Variants in FBXO3 observed in about 807,000 individuals in gnomAD.
The protein encoded by FBXO3 is F-box protein 3, also known as F-box only protein 3.
Under a neutral mutation model 64.8 loss-of-function variants are expected in FBXO3, and 17 were observed. That is an observed-to-expected ratio of 0.26 (90% CI 0.18 to 0.39). The LOEUF is 0.39. Ranked by LOEUF, FBXO3 falls within the 10% of genes least tolerant of loss-of-function variation. FBXO3 has a pLI of 1.00. For synonymous variants in FBXO3, 182 were observed against 201.6 expected (o/e 0.90, Z 0.82); for missense variants, 420 against 589.9 (o/e 0.71, Z 2.98).
intron 3 of FBXO3, among the ~76,000 whole-genome samples, chr11:33,764,608 C>T (rs534994422): frequency 2.6e-4 from 40 of 152,136 alleles, no homozygotes; most frequent in African/African-American, 7.0e-4. Context: ...AATATCAAGA[C>T]GAAGCTGATT....
intron 1 of FBXO3, chr11:33,774,083 G>A: frequency 3.3e-6 from 1 of 300,696 alleles, no homozygotes; most frequent in Non-Finnish European, 6.3e-6. Context: ...GGGGGTCCGC[G>A]GAGCGCGGCG....
chr11:33,772,669 A>G (rs1855537578), intron 1 of FBXO3: 1 of 152,210 alleles, frequency 6.6e-6, no homozygotes, highest in African/African-American at 2.4e-5. Context: ...AGAGCAATCT[A>G]TTTCCTTCAC....
intron 2 of FBXO3, among the ~76,000 whole-genome samples, chr11:33,769,246 AT>A (rs1208392924): frequency 2.0e-5 from 3 of 151,902 alleles, no homozygotes; most frequent in African/African-American, 4.8e-5. Flanking sequence ...CTTTCTACTT[AT>A]TTTTTTTCAG....
chr11:33,758,105 A>G (rs939200474), intron 4 of FBXO3, among the ~76,000 whole-genome samples: 1 of 152,174 alleles, frequency 6.6e-6, no homozygotes, highest in East Asian at 1.9e-4. Flanking sequence ...TGCTCTTTAC[A>G]TGTATAGTAG....
rs767387316 is a variant in FBXO3, at chr11:33,741,059, C to G, written c.*849G>C. ...CAAGTTTCAGGAAAACATACTTAAT[C>G]CTAACATAAAATTCATGTCACTTAT... On this transcript the variant is annotated 3_prime_UTR_variant, in exon 11 of 11. Coordinates refer to ENST00000265651, the MANE Select transcript of FBXO3 (RefSeq NM_012175.4). 2.6e-5 allele frequency: 4 copies of G among 152,576 alleles called. No individual in the cohort carries two copies. Among genetic ancestry groups the G allele is most frequent in the Non-Finnish European group, 4.4e-5 (3 of 68,026 alleles). The allele number at this position is 152,576 out of a possible 1,614,324, so 9.5% of individuals were successfully genotyped here. A position where few individuals can be genotyped will look rare whatever the true frequency, so the allele number is the denominator to read the frequency against.
At chr11:33,747,104 C>T (rs1020391215) in intron 10 of FBXO3, 26 bp downstream of exon 10, 2 of 1,607,466 alleles carry the variant, frequency 1.2e-6, no homozygotes, top group East Asian at 4.5e-5. Context: ...TCATGTAAAT[C>T]AGCACTAGAG....
At chr11:33,758,642 C>T in intron 3 of FBXO3, 41 bp from the exon 4 acceptor site, 2 of 1,404,026 alleles carry the variant, frequency 1.4e-6, no homozygotes, top group Non-Finnish European at 2.0e-6. Flanking sequence ...AAGAAACAGC[C>T]TTAAATCTAA....
chr11:33,774,481 G>A lies in FBXO3; in HGVS notation c.17C>T (p.Thr6Ile), dbSNP rs905482729. Residue 6 changes from threonine (T) to isoleucine (I), a missense_variant, in exon 1 of 11, where the codon ACC (threonine) becomes ATC (isoleucine). By Grantham distance (89) the Thr-to-Ile change is moderately conservative (BLOSUM62 -1). This residue lies in a region of FBXO3 where 26 missense variants were observed against 16.1 expected (regional missense o/e 1.62). Coordinates refer to ENST00000265651, the MANE Select transcript of FBXO3 (RefSeq NM_012175.4). ...CTCTAGGGTCAGCGGCGCCGTCTCG[G>A]TCTCCATGGCCGCCATCTTGCCTGG... MAAME[T>I]ETAPLTLESL... The A allele has an allele frequency of 5.1e-6, 8 of 1,576,534 alleles. No individual in the cohort carries two copies. Among genetic ancestry groups the A allele is most frequent in the Admixed American group, 3.5e-5 (2 of 57,282 alleles).
chr11:33,746,446 T>C (rs1330632222), intron 10 of FBXO3: 4 of 478,448 alleles, frequency 8.4e-6, no homozygotes, highest in African/African-American at 1.9e-5. Flanking sequence ...ATTAATATCA[T>C]GTCCATCTTT....
Position 33,758,533 on chromosome 11 carries a change from G to A in FBXO3, c.427C>T (p.Arg143Ter). Residue 143 changes from arginine (R) to a stop codon, truncating the protein, a stop_gained, in exon 4 of 11, where the codon CGA becomes TGA. Coordinates refer to ENST00000265651, the MANE Select transcript of FBXO3 (RefSeq NM_012175.4). LOFTEE classifies it high-confidence loss of function. Reference sequence around the variant, plus strand: ...CCATTGTGAATTCGGTATGAACATCGATAATCGTCAGGAAGCTTGCAGCCA... The same window carrying A: ...CCATTGTGAATTCGGTATGAACATCAATAATCGTCAGGAAGCTTGCAGCCA... ...QIGCKLPDDY[R>*]CSYRIHNGQK... is the part of the protein sequence containing the mutation. 2 of 1,609,210 alleles carry A rather than the reference G, an allele frequency of 1.2e-6. No individual in the cohort carries two copies. The highest frequency in any genetic ancestry group is 1.7e-5 in the Admixed American group (1 of 59,798).
At chr11:33,769,037 A>AT in intron 2 of FBXO3, 23 bp from the exon 3 acceptor site, 1 of 1,570,536 alleles carries the variant, frequency 6.4e-7, no homozygotes, top group Non-Finnish European at 8.6e-7. Context: ...AAAACATGAG[A>AT]TTTTAAATCT....
At chr11:33,746,267 G>C (rs1236690943) in intron 10 of FBXO3, 1 of 185,018 alleles carries the variant, frequency 5.4e-6, no homozygotes, top group African/African-American at 2.3e-5. Context: ...CCCAGTACTG[G>C]AAATACAGTT....
rs552983565 is a variant in FBXO3 at position 33,752,858 on chromosome 11, G to C, written c.725-1251C>G. 5.9e-5 allele frequency among the ~76,000 whole-genome samples: 9 copies of C among 152,134 alleles called. 1 individual carries two copies. In the South Asian group the frequency reaches 1.9e-3, roughly 32 times the overall value. On this transcript the variant is annotated intron_variant, in intron 6 of 10. Transcript: ENST00000265651. The stretch of plus-strand genomic sequence containing the variant: ...AAGTTATATAACTAAAAACAAATTT[G>C]TGGTTTGCATAAAAAAAATTGGCAT...
chr11:33,771,478 A>T (rs558515210), intron 1 of FBXO3: 1 of 152,354 alleles, frequency 6.6e-6, no homozygotes, highest in Admixed American at 6.5e-5. Context: ...CTAACACAAC[A>T]GTGTTGCAAT....
chr11:33,761,141 TA>T (rs938471805), intron 3 of FBXO3, among the ~76,000 whole-genome samples: 4 of 151,854 alleles, frequency 2.6e-5, no homozygotes, highest in African/African-American at 9.7e-5. Flanking sequence ...ATATAATCAC[TA>T]AAAAAAGAAA....
intron 2 of FBXO3, 109 bp from the exon 3 acceptor site, chr11:33,769,123 T>C: frequency 1.1e-6 from 1 of 949,056 alleles, no homozygotes; most frequent in Non-Finnish European, 1.5e-6. Flanking sequence ...CTTTTCATTA[T>C]ATTTTAGCCA....
intron 3 of FBXO3, chr11:33,763,364 C>T: frequency 2.5e-6 from 1 of 400,988 alleles, no homozygotes; most frequent in Admixed American, 2.7e-5. Context: ...CAATAAAATA[C>T]TAGCAGATTA....
intron 5 of FBXO3, among the ~76,000 whole-genome samples, chr11:33,755,117 C>A (rs1855063848): frequency 6.6e-6 from 1 of 152,024 alleles, no homozygotes; most frequent in East Asian, 1.9e-4. Context: ...GTTGATCCAC[C>A]CGCCTCAGCC....
chr11:33,754,880 T>C (rs2133603899), intron 5 of FBXO3, among the ~76,000 whole-genome samples: 1 of 151,920 alleles, frequency 6.6e-6, no homozygotes, highest in African/African-American at 2.4e-5. Context: ...TTTTTTTTTT[T>C]TTTGAGAGGG....
Sources: allele counts gnomAD v4.1 joint callset (sites outside exome capture counted in the v4.1 genomes callset), GRCh38; gene constraint gnomAD v4.1.1; regional missense constraint gnomAD v4.1.1; transcripts MANE v1.5; gene names NCBI Gene and HGNC (gene_info 2026-07-23, HGNC 2026-07-21).